SMG6: variants seen among roughly 807,000 people sequenced by gnomAD.
SMG6 encodes the protein SMG6 nonsense mediated mRNA decay factor.
In SMG6, 66 loss-of-function variants were observed where a neutral mutation model predicts 142.2. The ratio of observed to expected loss-of-function variants is 0.46; its 90% CI spans 0.38 to 0.57. The LOEUF (loss-of-function observed/expected upper bound fraction) is 0.57, where lower values mean the gene tolerates loss of function less well. Among genes scored for constraint, SMG6 ranks in the 20% least tolerant of loss-of-function variants. The pLI, the probability that SMG6 is intolerant of heterozygous loss-of-function variation, is 0.00. For synonymous variants in SMG6, 779 were observed against 702.4 expected (o/e 1.11, Z -1.72); for missense variants, 1,793 against 1,832.0 (o/e 0.98, Z 0.39).
chr17:2,257,943 A>T (rs1328493498), intron 8 of SMG6, among the ~76,000 whole-genome samples: 1 of 140,682 alleles, frequency 7.1e-6, no homozygotes, highest in Non-Finnish European at 1.5e-5. Flanking sequence ...CAGAAGGCGG[A>T]GGGTGCAGTG....
chr17:2,151,796 G>A (rs1023045471), intron 13 of SMG6, among the ~76,000 whole-genome samples: 1 of 152,176 alleles, frequency 6.6e-6, no homozygotes, highest in Non-Finnish European at 1.5e-5. Flanking sequence ...ACATGAAAGA[G>A]ACCCATGGTG....
intron 13 of SMG6, among the ~76,000 whole-genome samples, chr17:2,134,275 G>A (rs2151554907): frequency 6.6e-6 from 1 of 151,736 alleles, no homozygotes; most frequent in Non-Finnish European, 1.5e-5. Flanking sequence ...AAAACTAGCT[G>A]GGCATGGTGG....
chr17:2,150,748 G>C (rs879702778), intron 13 of SMG6, among the ~76,000 whole-genome samples: 4 of 152,162 alleles, frequency 2.6e-5, no homozygotes, highest in African/African-American at 4.8e-5. Context: ...ATGACTCTAA[G>C]GTAATAAGAT....
intron 13 of SMG6, among the ~76,000 whole-genome samples, chr17:2,160,425 C>T (rs1189765434): frequency 6.6e-6 from 1 of 152,088 alleles, no homozygotes; most frequent in African/African-American, 2.4e-5. Context: ...CACCATACTG[C>T]CCAGGCTAGT....
chr17:2,230,930 C>T (rs2073472487), intron 10 of SMG6, among the ~76,000 whole-genome samples: 2 of 152,166 alleles, frequency 1.3e-5, no homozygotes, highest in African/African-American at 2.4e-5. Flanking sequence ...TGATTCCCTA[C>T]GGAAATCTAC....
At chr17:2,121,275 G>A (rs1455446400) in intron 13 of SMG6, among the ~76,000 whole-genome samples, 1 of 152,092 alleles carries the variant, frequency 6.6e-6, no homozygotes, top group Non-Finnish European at 1.5e-5. Flanking sequence ...GATAAACTGT[G>A]ACATATTCAT....
intron 13 of SMG6, among the ~76,000 whole-genome samples, chr17:2,110,081 C>CAAAAAAAAAA (rs57135671): frequency 3.4e-5 from 3 of 87,910 alleles, no homozygotes; most frequent in Non-Finnish European, 6.0e-5. Context: ...GATTCCATCT[C>CAAAAAAAAAA]AAAAAAAAAA....
At chr17:2,171,401 TTATA>T (rs2071498890) in intron 13 of SMG6, among the ~76,000 whole-genome samples, 2 of 148,806 alleles carry the variant, frequency 1.3e-5, no homozygotes, top group African/African-American at 5.0e-5. Context: ...TTAAATACGA[TTATA>T]TATGATCAGC....
chr17:2,100,930 G>A (rs2068990288), intron 13 of SMG6, among the ~76,000 whole-genome samples: 1 of 151,918 alleles, frequency 6.6e-6, no homozygotes, highest in South Asian at 2.1e-4. Context: ...GGGATTACAG[G>A]TGTGGGCCAC....
intron 13 of SMG6, chr17:2,086,956 G>A (rs2068579114): frequency 5.6e-6 from 7 of 1,254,514 alleles, no homozygotes; most frequent in Middle Eastern, 2.2e-4. Context: ...CACAGGGGAC[G>A]GCCCCTTCAT....
At chr17:2,106,765 G>A (rs978868367) in intron 13 of SMG6, among the ~76,000 whole-genome samples, 4 of 152,006 alleles carry the variant, frequency 2.6e-5, no homozygotes, top group African/African-American at 9.7e-5. Context: ...AAACCTCCGT[G>A]TCCCTGCTGA....
chr17:2,265,237 C>T (rs994040172), intron 8 of SMG6, among the ~76,000 whole-genome samples: 5 of 152,042 alleles, frequency 3.3e-5, no homozygotes, highest in Admixed American at 2.0e-4. Flanking sequence ...GAAGAACTGT[C>T]GGCCGGGCAC....
chr17:2,125,204 C>G (rs1283917230), intron 13 of SMG6, among the ~76,000 whole-genome samples: 1 of 152,172 alleles, frequency 6.6e-6, no homozygotes, highest in African/African-American at 2.4e-5. Flanking sequence ...GAGACAGGGT[C>G]TGATGTGGCA....
chr17:2,145,643 C>CAAAAA (rs61451940), intron 13 of SMG6, among the ~76,000 whole-genome samples: 4,300 of 23,820 alleles, frequency 0.18, 962 homozygotes, highest in African/African-American at 0.25. Flanking sequence ...TCCATCTCCC[C>CAAAAA]AAAAAAAAAA....
At position 2,065,497 on chromosome 17, in the gene SMG6, AGGCGATGGATTCGAGTTCATTGCCAC is replaced by A. The variant is rs778068677; in HGVS notation, c.3992_4017del (p.Arg1331LeufsTer4). The stretch of plus-strand genomic sequence containing the variant: ...TGGCCAGTGATGTCCTCACTGCGGA[AGGCGATGGATTCGAGTTCATTGCCAC>A]GGCTGGTCAGGGCTCGCAGGCAAGA... On this transcript the variant is annotated frameshift_variant, in exon 17 of 19. Transcript: ENST00000263073. LOFTEE classifies it high-confidence loss of function. 6.2e-7 allele frequency: 1 copy of A among 1,613,464 alleles called. No individual in the cohort carries two copies. The highest frequency in any genetic ancestry group is 2.2e-5 in the East Asian group (1 of 44,882).
chr17:2,086,003 A>C (rs1246074155), intron 13 of SMG6, 102 bp from the exon 14 acceptor site: 2 of 1,208,444 alleles, frequency 1.7e-6, no homozygotes, highest in Non-Finnish European at 2.4e-6. Context: ...ACTGTGTCAA[A>C]GCTACCAGGC....
At chr17:2,122,538 G>C (rs1355409604) in intron 13 of SMG6, 1 of 152,180 alleles carries the variant, frequency 6.6e-6, no homozygotes, top group African/African-American at 2.4e-5. Flanking sequence ...CTAAAGGCTA[G>C]AAAGGTTTAA....
chr17:2,153,588 G>A (rs1202725407), intron 13 of SMG6, among the ~76,000 whole-genome samples: 1 of 152,158 alleles, frequency 6.6e-6, no homozygotes, highest in East Asian at 1.9e-4. Flanking sequence ...GGGGGAACCT[G>A]GGGATGCATG....
chr17:2,272,318 C>T (rs1187613041), intron 8 of SMG6, among the ~76,000 whole-genome samples: 1 of 152,194 alleles, frequency 6.6e-6, no homozygotes. Context: ...CTTCTGAATT[C>T]ACTTTCCTCT....
Sources: gnomAD v4.1 joint callset for allele counts (sites outside exome capture counted in the v4.1 genomes callset) on GRCh38, gnomAD v4.1.1 for gene constraint, MANE v1.5 for transcripts, NCBI Gene and HGNC (gene_info 2026-07-23, HGNC 2026-07-21) for gene names.